NTRK2: variants seen among roughly 807,000 people sequenced by gnomAD.
The protein encoded by NTRK2 is neurotrophic receptor tyrosine kinase 2.
A neutral mutation model predicts 94.5 loss-of-function variants in NTRK2; 13 were observed. The observed-to-expected ratio is 0.14, with a 90% CI of 0.09 to 0.22. The LOEUF is 0.22. NTRK2 is among the 10% of genes least tolerant of loss of function. The pLI is 1.00. For synonymous variants in NTRK2, 372 were observed against 407.4 expected (o/e 0.91, Z 1.05); for missense variants, 639 against 1,071.2 (o/e 0.60, Z 5.63).
intron 12 of NTRK2, among the ~76,000 whole-genome samples, chr9:84,764,550 A>T (rs78261315): frequency 1.3e-5 from 2 of 152,172 alleles, no homozygotes; most frequent in African/African-American, 4.8e-5. Flanking sequence ...ATAGAAAAAA[A>T]GTTACAGTTA....
At chr9:84,786,902 A>ATTTTTTT (rs2068171899) in intron 12 of NTRK2, among the ~76,000 whole-genome samples, 1 of 152,144 alleles carries the variant, frequency 6.6e-6, no homozygotes, top group South Asian at 2.1e-4. Flanking sequence ...TTAAATTGAC[A>ATTTTTTT]TTTTATTGTC....
intron 17 of NTRK2, among the ~76,000 whole-genome samples, chr9:84,968,994 G>A (rs1018127398): frequency 2.6e-5 from 4 of 152,146 alleles, no homozygotes; most frequent in African/African-American, 4.8e-5. Context: ...ATGATACATT[G>A]ACGTCACATT....
chr9:84,670,105 G>A (rs961112591), intron 1 of NTRK2, among the ~76,000 whole-genome samples: 2 of 152,084 alleles, frequency 1.3e-5, no homozygotes, highest in Non-Finnish European at 2.9e-5. Flanking sequence ...CCTTCGCCCG[G>A]CCTGTACCAT....
intron 17 of NTRK2, among the ~76,000 whole-genome samples, chr9:84,988,376 G>T (rs1360389940): frequency 2.6e-5 from 4 of 152,012 alleles, no homozygotes; most frequent in Non-Finnish European, 5.9e-5. Context: ...GTTCTTAAGG[G>T]GTGGATCAGA....
At chr9:84,846,641 C>T (rs2074487012) in intron 12 of NTRK2, among the ~76,000 whole-genome samples, 1 of 152,232 alleles carries the variant, frequency 6.6e-6, no homozygotes, top group Non-Finnish European at 1.5e-5. Flanking sequence ...ATCCTTACCT[C>T]CTCTGACTCA....
chr9:84,685,991 A>T (rs2059690319), intron 2 of NTRK2, among the ~76,000 whole-genome samples: 1 of 152,198 alleles, frequency 6.6e-6, no homozygotes, highest in Admixed American at 6.5e-5. Flanking sequence ...TGTTACACAA[A>T]TACACACGGA....
intron 2 of NTRK2, among the ~76,000 whole-genome samples, chr9:84,693,096 T>G (rs1312887204): frequency 1.3e-5 from 2 of 152,200 alleles, no homozygotes; most frequent in Non-Finnish European, 2.9e-5. Flanking sequence ...AATTCAAAAC[T>G]TTTTAAATGT....
chr9:84,811,581 T>C (rs2071795118), intron 12 of NTRK2: 1 of 1,065,378 alleles, frequency 9.4e-7, no homozygotes, highest in Non-Finnish European at 1.1e-6. Flanking sequence ...GGGAGCAGAA[T>C]GGCTGGCCTG....
At chr9:85,004,120 G>GAGGA (rs796427907) in intron 17 of NTRK2, among the ~76,000 whole-genome samples, 4 of 149,928 alleles carry the variant, frequency 2.7e-5, no homozygotes, top group Non-Finnish European at 4.5e-5. Flanking sequence ...GGAAGGGAGT[G>GAGGA]AGGAAGGAAG....
intron 2 of NTRK2, among the ~76,000 whole-genome samples, chr9:84,697,617 C>T (rs1439401167): frequency 6.6e-6 from 1 of 152,236 alleles, no homozygotes; most frequent in African/African-American, 2.4e-5. Context: ...CTTCCTAACC[C>T]TGTGCCTTTG....
Position 84,739,572 on chromosome 9 carries a change from G to A in NTRK2, c.1160-2320G>A, listed in dbSNP as rs187396706. The stretch of plus-strand genomic sequence containing the variant: ...ACTGAGGCCGTTTAAATGTGTGGCT[G>A]AGATAAATCTGGCTCTGAATCCTCA... On this transcript the variant is annotated intron_variant, in intron 9 of 18. Transcript: ENST00000277120. Among the ~76,000 whole-genome samples, 46 of 152,316 alleles carry A rather than the reference G, an allele frequency of 3.0e-4. No homozygotes were observed. The East Asian group carries it at 6.2e-3, about 20-fold the overall frequency.
intron 17 of NTRK2, among the ~76,000 whole-genome samples, chr9:84,969,128 AG>A: frequency 6.6e-6 from 1 of 152,328 alleles, no homozygotes; most frequent in South Asian, 2.1e-4. Context: ...GAAGGTCAAA[AG>A]ACTTCCCCAG....
chr9:84,797,060 T>C (rs2069416031), intron 12 of NTRK2, among the ~76,000 whole-genome samples: 1 of 152,174 alleles, frequency 6.6e-6, no homozygotes, highest in African/African-American at 2.4e-5. Flanking sequence ...AATTAGATTC[T>C]ACCGCATATT....
At chr9:84,965,709 A>G (rs1588067022) in intron 17 of NTRK2, among the ~76,000 whole-genome samples, 1 of 152,200 alleles carries the variant, frequency 6.6e-6, no homozygotes, top group Admixed American at 6.5e-5. Context: ...ATTGCCTAAA[A>G]GGAGCTTCCA....
rs192368466 is a variant in NTRK2 at position 84,800,154 on chromosome 9, G to A, written c.1396+48069G>A. On this transcript the variant is annotated intron_variant, in intron 12 of 18. Transcript: ENST00000277120. Reference sequence around the variant, plus strand: ...CACTCCTCTCGCCTTTGGACAGCTAGTTCTGTTGTCTAGAACAACTGGAAG... The same window carrying A: ...CACTCCTCTCGCCTTTGGACAGCTAATTCTGTTGTCTAGAACAACTGGAAG... 1.0e-3 allele frequency among the ~76,000 whole-genome samples: 153 copies of A among 152,230 alleles called. 1 individual carries two copies. The Middle Eastern group carries it at 0.024, about 24-fold the overall frequency.
chr9:84,898,588 C>G (rs866489492), intron 14 of NTRK2, among the ~76,000 whole-genome samples: 1 of 151,804 alleles, frequency 6.6e-6, no homozygotes, highest in Non-Finnish European at 1.5e-5. Context: ...TATGAGGCAA[C>G]CAAAGCCCAG....
chr9:84,936,356 T>G (rs2078213469), intron 15 of NTRK2, among the ~76,000 whole-genome samples: 1 of 152,246 alleles, frequency 6.6e-6, no homozygotes, highest in Non-Finnish European at 1.5e-5. Flanking sequence ...CAAATAGGAC[T>G]TCAGGGCTTG....
chr9:84,781,657 T>C (rs944992282), intron 12 of NTRK2, among the ~76,000 whole-genome samples: 3 of 152,198 alleles, frequency 2.0e-5, no homozygotes. Context: ...TTGCACTGAT[T>C]TGGGGGGCCC....
At chr9:84,744,724 G>A (rs2063915761) in intron 10 of NTRK2, among the ~76,000 whole-genome samples, 1 of 152,108 alleles carries the variant, frequency 6.6e-6, no homozygotes, top group South Asian at 2.1e-4. Context: ...CCTGAACCAG[G>A]TTTGGGGCTG....
Sources: gnomAD v4.1 joint callset for allele counts (sites outside exome capture counted in the v4.1 genomes callset) on GRCh38, gnomAD v4.1.1 for gene constraint, MANE v1.5 for transcripts, NCBI Gene and HGNC (gene_info 2026-07-23, HGNC 2026-07-21) for gene names.